VPS13A: variants seen among roughly 807,000 people sequenced by gnomAD.
VPS13A encodes the protein intermembrane lipid transfer protein VPS13A.
VPS13A carries 264 observed loss-of-function variants against 390.9 expected under a neutral mutation model. That is an observed-to-expected ratio of 0.68 (90% CI 0.61 to 0.75). The LOEUF is 0.75. Among genes scored for constraint, VPS13A ranks in the 30% least tolerant of loss-of-function variants. The pLI, the probability that VPS13A is intolerant of heterozygous loss-of-function variation, is 0.00. For synonymous variants in VPS13A, 1,231 were observed against 1,227.1 expected, an observed-to-expected ratio of 1.00 and a Z score of -0.07; for missense variants, 3,409 against 3,733.9, an observed-to-expected ratio of 0.91 and a Z score of 2.27.
Position 77,226,590 on chromosome 9 carries a change from A to G in VPS13A, c.1349A>G (p.Gln450Arg), listed in dbSNP as rs1823531289. The G allele has an allele frequency of 1.2e-6, 2 of 1,612,176 alleles. No individual in the cohort carries two copies. Among genetic ancestry groups the G allele is most frequent in the Admixed American group, 1.7e-5 (1 of 59,952 alleles). Reference sequence around the variant, plus strand: ...ACTAATGAACAGCAACCAGATGTTCAACCTGAAAGTATGTCCATTTCATTT... The same window carrying G: ...ACTAATGAACAGCAACCAGATGTTCGACCTGAAAGTATGTCCATTTCATTT... ...QNTNEQQPDV[Q>R]PETLEEMLTP... The change falls in exon 15 of 72, where the codon CAA (glutamine) becomes CGA (arginine). Residue 450 changes from glutamine to arginine, a missense_variant. Physicochemically the swap from Gln to Arg is conservative, Grantham distance 43. Around this residue, in one of 5 missense-constraint regions of VPS13A, gnomAD observed 2,717 missense variants for 2,917.4 expected, o/e 0.93. Transcript: ENST00000360280.
intron 57 of VPS13A, 112 bp downstream of exon 57, chr9:77,358,550 TTGGAAAA>T: frequency 1.1e-6 from 1 of 928,052 alleles, no homozygotes; most frequent in Non-Finnish European, 1.7e-6. Context: ...TATAGGATAA[TTGGAAAA>T]TTAAACTGCT....
At chr9:77,255,611 G>T (rs1388133371) in intron 22 of VPS13A, among the ~76,000 whole-genome samples, 1 of 152,048 alleles carries the variant, frequency 6.6e-6, no homozygotes. Context: ...TGATTGTTTG[G>T]TAGAATTCAC....
chr9:77,342,804 G>A (rs995311064), intron 50 of VPS13A, among the ~76,000 whole-genome samples: 5 of 152,114 alleles, frequency 3.3e-5, no homozygotes, highest in Non-Finnish European at 7.4e-5. Context: ...GTGTAAGCAG[G>A]AGGCTAAATC....
chr9:77,355,292 T>G (rs891918334), intron 54 of VPS13A, among the ~76,000 whole-genome samples: 5 of 152,168 alleles, frequency 3.3e-5, no homozygotes, highest in Non-Finnish European at 7.4e-5. Flanking sequence ...AGTGTAGAAT[T>G]ATCGGTCTTT....
intron 1 of VPS13A, among the ~76,000 whole-genome samples, chr9:77,190,737 A>G (rs1278081635): frequency 1.3e-5 from 2 of 152,066 alleles, no homozygotes; most frequent in Non-Finnish European, 2.9e-5. Flanking sequence ...TAGACTTTTT[A>G]TACAATTTCA....
intron 45 of VPS13A, among the ~76,000 whole-genome samples, chr9:77,328,779 A>G (rs1830139555): frequency 6.6e-6 from 1 of 152,154 alleles, no homozygotes; most frequent in African/African-American, 2.4e-5. Context: ...CTATCTTAGG[A>G]GAATGTTATA....
chr9:77,268,158 G>C (rs770913317), intron 23 of VPS13A, among the ~76,000 whole-genome samples: 8 of 152,236 alleles, frequency 5.3e-5, no homozygotes, highest in Non-Finnish European at 1.0e-4. Flanking sequence ...GGGAGTGAAA[G>C]GTTCATCTTG....
In VPS13A at chr9:77,406,000, G is replaced by GATTT; in HGVS notation, c.9399+18_9399+21dup. ...CATTGAAGCAAAGGTATGTTGAATA[G>GATTT]ATTTATTTTTTGAAAACTTGGAACT... On this transcript the variant is annotated intron_variant, in intron 70 of 71. Coordinates refer to ENST00000360280, the MANE Select transcript of VPS13A (RefSeq NM_033305.3). 1.2e-6 allele frequency: 2 copies of GATTT among 1,613,064 alleles called. No individual in the cohort carries two copies. Among genetic ancestry groups the GATTT allele is most frequent in the Non-Finnish European group, 1.7e-6 (2 of 1,179,876 alleles).
At position 77,351,380 on chromosome 9, in the gene VPS13A, T is replaced by C. The variant is rs1831456859; in HGVS notation, c.7353T>C (p.Asp2451=). 6.2e-7 allele frequency: 1 copy of C among 1,614,082 alleles called. No homozygotes were observed. Among genetic ancestry groups the C allele is most frequent in the Non-Finnish European group, 8.5e-7 (1 of 1,179,952 alleles). ...PGKAVFYTWA[D]PVGSRRLKWR... ...AAGCCGTGTTTTATACATGGGCTGA[T>C]CCGGTGGGCTCTAGAAGGCTGAAGT... Residue 2451 remains aspartate (D), a synonymous_variant, in exon 53 of 72, where the codon GAT becomes GAC. Transcript: ENST00000360280.
intron 1 of VPS13A, among the ~76,000 whole-genome samples, chr9:77,184,931 AAT>A (rs1458271127): frequency 1.3e-5 from 2 of 152,134 alleles, no homozygotes; most frequent in Non-Finnish European, 2.9e-5. Flanking sequence ...TATCCTTTGT[AAT>A]ATCCTTTATG....
At chr9:77,324,131 A>G (rs1829884888) in intron 45 of VPS13A, among the ~76,000 whole-genome samples, 9 of 152,210 alleles carry the variant, frequency 5.9e-5, no homozygotes, top group Admixed American at 5.9e-4. Context: ...GATAGTATTT[A>G]GAAATACAGG....
chr9:77,268,706 G>A (rs1826172943), intron 23 of VPS13A, among the ~76,000 whole-genome samples: 1 of 152,068 alleles, frequency 6.6e-6, no homozygotes, highest in South Asian at 2.1e-4. Context: ...TAGGGAGCCC[G>A]AGGCAGGCAG....
chr9:77,182,379 C>T (rs1280924930), intron 1 of VPS13A, among the ~76,000 whole-genome samples: 1 of 152,202 alleles, frequency 6.6e-6, no homozygotes, highest in East Asian at 1.9e-4. Flanking sequence ...CAGGTGTGAG[C>T]CACTGCGTCC....
At chr9:77,246,439 A>G (rs1394626423) in intron 19 of VPS13A, among the ~76,000 whole-genome samples, 1 of 152,014 alleles carries the variant, frequency 6.6e-6, no homozygotes, top group East Asian at 1.9e-4. Flanking sequence ...TAAAGGTTAT[A>G]TTCAAATATA....
chr9:77,314,241 A>C, intron 36 of VPS13A, 122 bp downstream of exon 36: 1 of 1,133,576 alleles, frequency 8.8e-7, no homozygotes, highest in Non-Finnish European at 1.2e-6. Context: ...TCTGAGAAAA[A>C]TGATCTTTTT....
rs774814406 is a variant in VPS13A at position 77,353,619 on chromosome 9, G to A, written c.7630G>A (p.Val2544Ile). The change falls in exon 54 of 72, where the codon GTA becomes ATA. Residue 2544 changes from valine (V) to isoleucine (I), a missense_variant. Transcript: ENST00000360280. ...TGTCAACAATTACACGAAGCAAGAA[G>A]TAGCCTATATAGGCATTACAAGGTT... ...SLVNNYTKQE[V>I]AYIGITSSDV... 4.3e-6 allele frequency: 7 copies of A among 1,613,354 alleles called. No homozygotes were observed. The highest frequency in any genetic ancestry group is 3.3e-4 in the Middle Eastern group (2 of 6,054).
intron 69 of VPS13A, among the ~76,000 whole-genome samples, chr9:77,405,134 GTTTC>G (rs1004374871): frequency 2.2e-4 from 34 of 152,162 alleles, no homozygotes; most frequent in African/African-American, 7.9e-4. Flanking sequence ...TCATTTCTTG[GTTTC>G]TTTCTTCAAA....
At chr9:77,319,868 A>G (rs1829637780) in intron 42 of VPS13A, among the ~76,000 whole-genome samples, 195 bp downstream of exon 42, 1 of 152,072 alleles carries the variant, frequency 6.6e-6, no homozygotes, top group African/African-American at 2.4e-5. Context: ...TTGAAGACTG[A>G]AAAAATTTTC....
chr9:77,296,318 C>T (rs981186392), intron 33 of VPS13A, among the ~76,000 whole-genome samples: 3 of 152,144 alleles, frequency 2.0e-5, no homozygotes, highest in Admixed American at 6.5e-5. Context: ...AGGAATTAGG[C>T]GGATAACCAA....
Sources: gnomAD v4.1 joint callset for allele counts (sites outside exome capture counted in the v4.1 genomes callset) on GRCh38, gnomAD v4.1.1 for gene constraint, gnomAD v4.1.1 regional missense constraint, MANE v1.5 for transcripts, NCBI Gene and HGNC (gene_info 2026-07-23, HGNC 2026-07-21) for gene names.